Variants in WDFY3 observed in about 807,000 individuals in gnomAD.
WDFY3 encodes the protein WD repeat and FYVE domain containing 3, also known as WD repeat and FYVE domain-containing protein 3.
In WDFY3, 66 loss-of-function variants were observed where a neutral mutation model predicts 409.6. The observed-to-expected ratio is 0.16, with a 90% confidence interval of 0.13 to 0.20. WDFY3 has a LOEUF of 0.20. Ranked by LOEUF, WDFY3 falls within the 10% of genes least tolerant of loss-of-function variation. WDFY3 has a pLI of 1.00. For missense variants in WDFY3, 3,031 were observed against 4,298.1 expected (o/e 0.71, Z 8.24); for synonymous variants, 1,521 against 1,537.1 (o/e 0.99, Z 0.25).
At chr4:84,839,421 T>G (rs1757027029) in intron 6 of WDFY3, among the ~76,000 whole-genome samples, 1 of 152,068 alleles carries the variant, frequency 6.6e-6, no homozygotes, top group Non-Finnish European at 1.5e-5. Context: ...TCTGGGACCA[T>G]TTGAAGATTA....
rs1725320605 is a variant in WDFY3 at position 84,670,716 on chromosome 4, G to A, written c.*2152C>T. 1 of 152,624 alleles carries A rather than the reference G, an allele frequency of 6.6e-6. No individual in the cohort carries two copies. The highest frequency in any genetic ancestry group is 2.1e-4 in the South Asian group (1 of 4,830). The allele number at this position is 152,624 out of a possible 1,614,324, so 9.5% of individuals were successfully genotyped here. On this transcript the variant is annotated 3_prime_UTR_variant, in exon 68 of 68. Transcript: ENST00000295888. ...GGGTATGGGGTAAACATGATTCATG[G>A]ACAAAAGGAGGACGCTTCTTTTAAA...
chr4:84,807,543 A>G (rs938786374), intron 15 of WDFY3, among the ~76,000 whole-genome samples: 2 of 152,206 alleles, frequency 1.3e-5, no homozygotes, highest in African/African-American at 4.8e-5. Flanking sequence ...TTCATTTTTT[A>G]AAAGCCTCAA....
chr4:84,783,799 T>A (rs1746983707), intron 24 of WDFY3, among the ~76,000 whole-genome samples: 1 of 152,112 alleles, frequency 6.6e-6, no homozygotes, highest in African/African-American at 2.4e-5. Flanking sequence ...TAACTTTAAT[T>A]CTGTTGTTCA....
At chr4:84,795,016 A>G in intron 19 of WDFY3, 37 bp from the exon 20 acceptor site, 2 of 1,436,688 alleles carry the variant, frequency 1.4e-6, no homozygotes, top group Non-Finnish European at 1.9e-6. Flanking sequence ...TTAGAGATCA[A>G]TGACTCCTTC....
chr4:84,882,464 C>G (rs1187125321), intron 3 of WDFY3, among the ~76,000 whole-genome samples: 1 of 152,120 alleles, frequency 6.6e-6, no homozygotes, highest in Non-Finnish European at 1.5e-5. Context: ...ACTCTTCCTG[C>G]TGACACACCT....
At chr4:84,805,448 G>T (rs545023273) in intron 15 of WDFY3, among the ~76,000 whole-genome samples, 1 of 151,996 alleles carries the variant, frequency 6.6e-6, no homozygotes, top group Non-Finnish European at 1.5e-5. Flanking sequence ...CTAAAATTAG[G>T]TGTATTACAA....
intron 4 of WDFY3, among the ~76,000 whole-genome samples, chr4:84,857,605 G>T (rs574494357): frequency 2.0e-5 from 3 of 152,104 alleles, no homozygotes; most frequent in African/African-American, 7.2e-5. Context: ...TAACTTCCTG[G>T]TAATAAAAAT....
At chr4:84,760,263 C>T (rs1261514021) in intron 32 of WDFY3, among the ~76,000 whole-genome samples, 1 of 151,940 alleles carries the variant, frequency 6.6e-6, no homozygotes, top group African/African-American at 2.4e-5. Flanking sequence ...GTCTAAAGTT[C>T]TCTTTTTTGG....
intron 46 of WDFY3, among the ~76,000 whole-genome samples, chr4:84,722,020 T>C (rs1734935892): frequency 6.6e-6 from 1 of 152,140 alleles, no homozygotes; most frequent in African/African-American, 2.4e-5. Flanking sequence ...TGGTATAGCT[T>C]AGGTAGGTGT....
At chr4:84,711,161 A>C (rs1732816483) in intron 51 of WDFY3, among the ~76,000 whole-genome samples, 1 of 152,238 alleles carries the variant, frequency 6.6e-6, no homozygotes, top group African/African-American at 2.4e-5. Context: ...CTAGTTACTG[A>C]GTGATATAAA....
intron 32 of WDFY3, among the ~76,000 whole-genome samples, chr4:84,757,516 T>C (rs2149334165): frequency 6.6e-6 from 1 of 152,196 alleles, no homozygotes; most frequent in African/African-American, 2.4e-5. Flanking sequence ...AAAAGTGAAA[T>C]CCAAAATACA....
At chr4:84,918,653 T>C (rs933382849) in intron 2 of WDFY3, among the ~76,000 whole-genome samples, 7 of 151,946 alleles carry the variant, frequency 4.6e-5, no homozygotes, top group African/African-American at 1.2e-4. Flanking sequence ...GAGTAAAATG[T>C]TGGCACTGTT....
chr4:84,811,038 C>T (rs1752405878), intron 13 of WDFY3, among the ~76,000 whole-genome samples: 1 of 152,156 alleles, frequency 6.6e-6, no homozygotes, highest in Non-Finnish European at 1.5e-5. Context: ...TGCTCTATCA[C>T]CCAGCTTGGA....
chr4:84,859,652 T>C (rs891213926), intron 4 of WDFY3, among the ~76,000 whole-genome samples: 2 of 152,336 alleles, frequency 1.3e-5, no homozygotes, highest in South Asian at 2.1e-4. Context: ...CTCAGTTCAC[T>C]GCAACCTTCG....
At chr4:84,720,664 T>C (rs532673119) in intron 47 of WDFY3, among the ~76,000 whole-genome samples, 37 of 152,322 alleles carry the variant, frequency 2.4e-4, no homozygotes, top group Non-Finnish European at 4.0e-4. Flanking sequence ...GAGTTAAAGC[T>C]TTCTAAGGCC....
At chr4:84,964,034 G>T (rs1189031349) in intron 1 of WDFY3, among the ~76,000 whole-genome samples, 1 of 152,132 alleles carries the variant, frequency 6.6e-6, no homozygotes, top group African/African-American at 2.4e-5. Context: ...ATATCTAGAA[G>T]TTCATAATCT....
chr4:84,717,734 A>G (rs1186154562), intron 48 of WDFY3, among the ~76,000 whole-genome samples: 8 of 152,144 alleles, frequency 5.3e-5, no homozygotes, highest in Admixed American at 1.3e-4. Flanking sequence ...TGCTGTTTCT[A>G]GGGTGCTCCG....
chr4:84,672,868 T>C lies in WDFY3; in HGVS notation c.10581A>G (p.Ter3527TrpextTer12), dbSNP rs1171361771. ...RGSEDGPRNC[*>W] is the part of the protein sequence containing the mutation. ...GGTCTCCACTCAGCTTGTTGAATCTTCAACAATTTCGAGGCCCATCTTCTG... is the reference window on the plus strand; with the variant it reads ...GGTCTCCACTCAGCTTGTTGAATCTCCAACAATTTCGAGGCCCATCTTCTG... Residue 3527 changes from the stop codon to tryptophan (W), a stop_lost, in exon 68 of 68, where the codon TGA (stop) becomes TGG (tryptophan). Coordinates refer to ENST00000295888, the MANE Select transcript of WDFY3 (RefSeq NM_014991.6). 6.2e-7 allele frequency: 1 copy of C among 1,613,658 alleles called. No homozygotes were observed. The highest frequency in any genetic ancestry group is 8.5e-7 in the Non-Finnish European group (1 of 1,179,748).
intron 1 of WDFY3, among the ~76,000 whole-genome samples, chr4:84,955,068 G>C (rs558731379): frequency 4.3e-4 from 65 of 152,120 alleles, no homozygotes; most frequent in Admixed American, 1.8e-3. Flanking sequence ...AGCCAGGCAG[G>C]GTGGCATGCC....
Sources: allele counts gnomAD v4.1 joint callset (sites outside exome capture counted in the v4.1 genomes callset), GRCh38; gene constraint gnomAD v4.1.1; transcripts MANE v1.5; gene names NCBI Gene and HGNC (gene_info 2026-07-23, HGNC 2026-07-21).